The following NDRG3 variants were observed in gnomAD, a reference collection of about 807,000 sequenced individuals.
NDRG3 encodes NDRG family member 3.
In NDRG3, 23 loss-of-function variants were observed where a neutral mutation model predicts 57.2. The observed-to-expected ratio is 0.40, with a 90% CI of 0.29 to 0.57. NDRG3 has a LOEUF of 0.57. Ranked by LOEUF, NDRG3 falls within the 20% of genes least tolerant of loss-of-function variation. The pLI is 0.42. For synonymous variants in NDRG3, 132 were observed against 162.6 expected (o/e 0.81, Z 1.43); for missense variants, 384 against 457.3 (o/e 0.84, Z 1.46).
intron 1 of NDRG3, among the ~76,000 whole-genome samples, chr20:36,722,323 G>A (rs1372840418): frequency 6.6e-6 from 1 of 152,092 alleles, no homozygotes; most frequent in East Asian, 1.9e-4. Context: ...GAAGCTGACC[G>A]ACACCTTGAT....
intron 2 of NDRG3, among the ~76,000 whole-genome samples, chr20:36,713,307 G>A (rs929592910): frequency 2.0e-5 from 3 of 152,106 alleles, no homozygotes; most frequent in Admixed American, 6.6e-5. Context: ...GGAGCTTAGT[G>A]GCCATATGTA....
chr20:36,674,527 C>T (rs979344101), intron 8 of NDRG3, among the ~76,000 whole-genome samples: 5 of 148,904 alleles, frequency 3.4e-5, no homozygotes, highest in Admixed American at 1.3e-4. Flanking sequence ...TTAAGGATCA[C>T]TAACTACCTT....
At chr20:36,660,448 T>C (rs1474060798) in intron 12 of NDRG3, 64 bp from the exon 13 acceptor site, 1 of 1,236,108 alleles carries the variant, frequency 8.1e-7, no homozygotes, top group African/African-American at 1.5e-5. Context: ...ACGAAATAGC[T>C]CGGTATGAGA....
chr20:36,720,637 C>G (rs757265682), intron 2 of NDRG3, among the ~76,000 whole-genome samples: 1 of 152,160 alleles, frequency 6.6e-6, no homozygotes, highest in Non-Finnish European at 1.5e-5. Context: ...ACATCATAGA[C>G]TTGGCAAACT....
chr20:36,678,994 A>G (rs1463547712), intron 8 of NDRG3, among the ~76,000 whole-genome samples: 1 of 152,202 alleles, frequency 6.6e-6, no homozygotes, highest in African/African-American at 2.4e-5. Flanking sequence ...TCTGTTGCCC[A>G]GGCTGGCGTG....
intron 9 of NDRG3, among the ~76,000 whole-genome samples, chr20:36,669,651 C>A (rs544538823): frequency 6.6e-6 from 1 of 152,168 alleles, no homozygotes; most frequent in South Asian, 2.1e-4. Flanking sequence ...AGGCGTGAGC[C>A]ATGGCGCGCG....
intron 4 of NDRG3, 94 bp from the exon 5 acceptor site, chr20:36,687,706 G>C: frequency 1.4e-6 from 2 of 1,409,076 alleles, no homozygotes; most frequent in Non-Finnish European, 1.9e-6. Flanking sequence ...TTCTTTCCCT[G>C]CTTTTTAACC....
At chr20:36,736,399 T>G (rs962138443) in intron 1 of NDRG3, among the ~76,000 whole-genome samples, 2 of 152,200 alleles carry the variant, frequency 1.3e-5, no homozygotes, top group Admixed American at 1.3e-4. Context: ...CCAGAAAATT[T>G]AAGTGATTTC....
intron 2 of NDRG3, among the ~76,000 whole-genome samples, chr20:36,715,347 G>A (rs1984210078): frequency 6.6e-6 from 1 of 151,468 alleles, no homozygotes; most frequent in Admixed American, 6.6e-5. Context: ...GTCCCGTCTA[G>A]AGCACTTCTG....
At chr20:36,661,324 C>T (rs1313604135) in intron 12 of NDRG3, among the ~76,000 whole-genome samples, 3 of 152,128 alleles carry the variant, frequency 2.0e-5, no homozygotes. Context: ...GCAGGGATCT[C>T]AAAGAAAATG....
At chr20:36,722,869 C>T (rs1185675926) in intron 1 of NDRG3, among the ~76,000 whole-genome samples, 2 of 152,196 alleles carry the variant, frequency 1.3e-5, no homozygotes, top group Non-Finnish European at 2.9e-5. Context: ...TCTGAAGCTG[C>T]ATCATAAAAC....
chr20:36,687,020 G>T (rs1462812864), intron 5 of NDRG3, among the ~76,000 whole-genome samples: 3 of 151,932 alleles, frequency 2.0e-5, no homozygotes, highest in Non-Finnish European at 4.4e-5. Context: ...ATGCCTGGCT[G>T]GCTAATTTTT....
intron 9 of NDRG3, among the ~76,000 whole-genome samples, chr20:36,669,565 G>A (rs1007421190): frequency 2.6e-5 from 4 of 151,474 alleles, no homozygotes; most frequent in Admixed American, 6.6e-5. Context: ...GGGTTTCTCC[G>A]TGTTGGTCAG....
chr20:36,715,223 A>G (rs1482146972), intron 2 of NDRG3, among the ~76,000 whole-genome samples: 2 of 151,006 alleles, frequency 1.3e-5, no homozygotes, highest in Non-Finnish European at 3.0e-5. Context: ...TCCCATGGGC[A>G]CTCTGCTAAG....
At chr20:36,746,076 AGCAGCGGCGGCGGCGGCGGCGGCG>A (rs1986182196) in exon 1 of NDRG3, 2 of 291,752 alleles carry the variant, frequency 6.9e-6, no homozygotes, top group Non-Finnish European at 5.8e-6. Flanking sequence ...TCAGTGCAGC[AGCAGCGGCGGCGGCGGCGGCGGCG>A]GCGGCGGCGG....
At chr20:36,713,317 A>T (rs1217776079) in intron 2 of NDRG3, among the ~76,000 whole-genome samples, 1 of 152,208 alleles carries the variant, frequency 6.6e-6, no homozygotes, top group Non-Finnish European at 1.5e-5. Flanking sequence ...GGCCATATGT[A>T]AAAGGTAAAT....
intron 1 of NDRG3, among the ~76,000 whole-genome samples, chr20:36,728,331 C>T (rs1985071115): frequency 6.6e-6 from 1 of 152,128 alleles, no homozygotes; most frequent in Admixed American, 6.5e-5. Flanking sequence ...GGATTACAGG[C>T]GTGAGCCACT....
intron 1 of NDRG3, among the ~76,000 whole-genome samples, chr20:36,743,488 C>G (rs934783818): frequency 6.6e-6 from 1 of 150,464 alleles, no homozygotes; most frequent in Non-Finnish European, 1.5e-5. Context: ...GAGCGAAACT[C>G]CGTCTCAAAA....
intron 1 of NDRG3, among the ~76,000 whole-genome samples, chr20:36,745,371 G>T (rs1986135840): frequency 6.6e-6 from 1 of 152,180 alleles, no homozygotes; most frequent in Non-Finnish European, 1.5e-5. Flanking sequence ...GAGATGACAA[G>T]TGATTTCAAA....
Sources: gnomAD v4.1 joint callset for allele counts (sites outside exome capture counted in the v4.1 genomes callset) on GRCh38, gnomAD v4.1.1 for gene constraint, MANE v1.5 for transcripts, NCBI Gene and HGNC (gene_info 2026-07-23, HGNC 2026-07-21) for gene names.